The following RFX4 variants were observed in gnomAD, a reference collection of about 807,000 sequenced individuals.
The protein encoded by RFX4 is transcription factor RFX4.
Under a neutral mutation model 95.0 loss-of-function variants are expected in RFX4, and 10 were observed. The observed-to-expected ratio is 0.11, with a 90% CI of 0.06 to 0.18. The LOEUF (loss-of-function observed/expected upper bound fraction) is 0.18, where lower values mean the gene tolerates loss of function less well. Ranked by LOEUF, RFX4 falls within the 10% of genes least tolerant of loss-of-function variation. RFX4 has a pLI of 1.00. For synonymous variants in RFX4, 321 were observed against 340.7 expected, an observed-to-expected ratio of 0.94 and a Z score of 0.64; for missense variants, 640 against 922.0, an observed-to-expected ratio of 0.69 and a Z score of 3.96.
At position 106,586,864 on chromosome 12, in the gene RFX4, C is replaced by G. The variant is rs978600945; in HGVS notation, c.43+3501C>G. ...CGAGCCTCCTCCATTCTTGCCCAGG[C>G]ACAGCCCTGGGGAAGGAGCCACTGT... On this transcript the variant is annotated intron_variant, in intron 1 of 17. Transcript: ENST00000392842. The surrounding 1 kb of genome is among the most constrained non-coding windows in gnomAD (Gnocchi z 5.6). 6.6e-6 allele frequency among the ~76,000 whole-genome samples: 1 copy of G among 152,250 alleles called. No homozygotes were observed. The highest frequency in any genetic ancestry group is 2.4e-5 in the African/African-American group (1 of 41,474).
intron 1 of RFX4, among the ~76,000 whole-genome samples, chr12:106,602,018 A>C (rs2039721853): frequency 6.6e-6 from 1 of 152,102 alleles, no homozygotes; most frequent in South Asian, 2.1e-4. Context: ...TTATTATAAT[A>C]CCAAACACTC....
At chr12:106,750,559 A>G in intron 16 of RFX4, 96 bp from the exon 17 acceptor site, 1 of 1,243,786 alleles carries the variant, frequency 8.0e-7, no homozygotes, top group Non-Finnish European at 1.1e-6. Context: ...AAAAAAGAAG[A>G]AAAAGGAAAA....
intron 8 of RFX4, among the ~76,000 whole-genome samples, chr12:106,706,535 G>T (rs2042090334): frequency 1.3e-5 from 2 of 152,170 alleles, no homozygotes; most frequent in African/African-American, 4.8e-5. Context: ...GAGAGACTGT[G>T]TCCAAAATAG....
chr12:106,590,956 TAAAAA>T (rs1017433222), intron 1 of RFX4, among the ~76,000 whole-genome samples: 2 of 145,462 alleles, frequency 1.4e-5, no homozygotes, highest in African/African-American at 5.1e-5. Context: ...AAGAAAAAAA[TAAAAA>T]AGAAAGGAAG....
At chr12:106,682,349 C>T in intron 5 of RFX4, 1 of 440,658 alleles carries the variant, frequency 2.3e-6, no homozygotes, top group Non-Finnish European at 4.1e-6. Flanking sequence ...GAAAGGATTG[C>T]CTTGTGGCCT....
rs777351723 is a variant in RFX4 at position 106,750,688 on chromosome 12, C to A, written c.1830C>A (p.Gly610=). 2.6e-5 allele frequency: 42 copies of A among 1,609,214 alleles called. No individual in the cohort carries two copies. The highest frequency in any genetic ancestry group is 3.3e-5 in the Non-Finnish European group (39 of 1,178,070). ...GAAGCTATAACTATGGGAGCTATGG[C>A]AACCAGCATCCTCACCCCATGCAGA... The part of the protein sequence containing the change: ...YTGSYNYGSY[G]NQHPHPMQSQ... The change falls in exon 17 of 18, where the codon GGC becomes GGA. Residue 610 remains glycine (G), a synonymous_variant. Transcript: ENST00000392842.
At chr12:106,700,301 G>A (rs2041960071) in intron 8 of RFX4, among the ~76,000 whole-genome samples, 1 of 151,782 alleles carries the variant, frequency 6.6e-6, no homozygotes, top group African/African-American at 2.4e-5. Context: ...CAACGCGTTG[G>A]GATTACAGGT....
intron 4 of RFX4, among the ~76,000 whole-genome samples, chr12:106,669,832 T>A (rs1356718268): frequency 8.2e-6 from 1 of 121,240 alleles, no homozygotes; most frequent in East Asian, 2.5e-4. Flanking sequence ...ACCAGGTTTT[T>A]TCTAGGGGTG....
rs1592967363 is a variant in RFX4, at chr12:106,710,100, CAT to C, written c.934+671_934+672del. 2.0e-5 allele frequency among the ~76,000 whole-genome samples: 3 copies of C among 152,292 alleles called. No homozygotes were observed. In the East Asian group the frequency reaches 5.8e-4, roughly 29 times the overall value. ...ATCTGCCTGTACTTGCAGGGAGACT[CAT>C]GTACCGTTCGTTTGCTGCTATTAAA... is the stretch of plus-strand genomic sequence containing the variant. On this transcript the variant is annotated intron_variant, in intron 9 of 17. Transcript: ENST00000392842.
chr12:106,583,702 G>T (rs910241482), intron 1 of RFX4: 12 of 214,134 alleles, frequency 5.6e-5, no homozygotes, highest in Non-Finnish European at 7.4e-5. Flanking sequence ...TTTGCCAGCC[G>T]ACCGCCCCCT....
chr12:106,726,132 C>T (rs1053802656), intron 13 of RFX4, among the ~76,000 whole-genome samples: 4 of 151,838 alleles, frequency 2.6e-5, no homozygotes, highest in Non-Finnish European at 5.9e-5. Flanking sequence ...ACTGTAATCC[C>T]AGCTACTTGG....
rs573041780 is a variant in RFX4, at chr12:106,607,482, C to T, written c.44-1315C>T. Among the ~76,000 whole-genome samples the T allele has an allele frequency of 3.5e-5, 5 of 143,864 alleles. No homozygotes were observed. The East Asian group carries it at 8.1e-4, about 23-fold the overall frequency. The allele number at this position is 143,864 out of a possible 152,430, so 94.4% of individuals were successfully genotyped here. On this transcript the variant is annotated intron_variant, in intron 1 of 17. Coordinates refer to ENST00000392842, the MANE Select transcript of RFX4 (RefSeq NM_213594.3). Reference sequence around the variant, plus strand: ...TGAAGTGAGCAGGTGTGACTCATAACACAACGTGGACCGAAGTAGCTGGTA... The same window carrying T: ...TGAAGTGAGCAGGTGTGACTCATAATACAACGTGGACCGAAGTAGCTGGTA...
In RFX4 at chr12:106,715,558, C is replaced by G; in HGVS notation, c.1138+14C>G. On this transcript the variant is annotated intron_variant, in intron 11 of 17. Transcript: ENST00000392842. ...TCATCACCCAATGTAAGCTGTCCCA[C>G]CAGGGATTGTTGTCCTGTTTTTATT... The G allele has an allele frequency of 6.2e-7, 1 of 1,610,960 alleles. No homozygotes were observed. The highest frequency in any genetic ancestry group is 8.5e-7 in the Non-Finnish European group (1 of 1,178,508).
At chr12:106,629,998 A>G (rs1173920891) in intron 2 of RFX4, among the ~76,000 whole-genome samples, 3 of 152,184 alleles carry the variant, frequency 2.0e-5, no homozygotes, top group Non-Finnish European at 4.4e-5. Context: ...AAGAAATGCC[A>G]TCTTGGTGTA....
In RFX4 at chr12:106,715,441, A is replaced by G. The variant is rs1004867613; in HGVS notation, c.1035A>G (p.Gln345=). Residue 345 remains glutamine (Q), a synonymous_variant, in exon 11 of 18, where the codon CAA becomes CAG. Coordinates refer to ENST00000392842, the MANE Select transcript of RFX4 (RefSeq NM_213594.3). ...TCCACAGTGCAGACATCACGTTCCA[A>G]ATGCTGGAAGACTGGAGGAACGTGG... The part of the protein sequence containing the change: ...TVIHSADITF[Q]MLEDWRNVDL... 49 of 1,614,098 alleles carry G rather than the reference A, an allele frequency of 3.0e-5. No homozygotes were observed. The highest frequency in any genetic ancestry group is 3.3e-4 in the Middle Eastern group (2 of 6,084).
chr12:106,711,682 A>G (rs2042193578), intron 10 of RFX4, among the ~76,000 whole-genome samples, 171 bp downstream of exon 10: 1 of 152,218 alleles, frequency 6.6e-6, no homozygotes, highest in African/African-American at 2.4e-5. Flanking sequence ...ACTAGTTTCA[A>G]CTAATATACA....
intron 1 of RFX4, among the ~76,000 whole-genome samples, chr12:106,599,131 G>A (rs1389547835): frequency 1.3e-5 from 2 of 151,494 alleles, no homozygotes; most frequent in Non-Finnish European, 2.9e-5. Context: ...CTGAACAAAC[G>A]GCATTTGTGC....
At chr12:106,753,440 C>T (rs2043048409) in intron 17 of RFX4, among the ~76,000 whole-genome samples, 1 of 152,150 alleles carries the variant, frequency 6.6e-6, no homozygotes, top group South Asian at 2.1e-4. Flanking sequence ...CTCTCAGTAG[C>T]ATTTCTCACA....
At chr12:106,703,468 A>G (rs2042028350) in intron 8 of RFX4, among the ~76,000 whole-genome samples, 1 of 152,256 alleles carries the variant, frequency 6.6e-6, no homozygotes, top group South Asian at 2.1e-4. Flanking sequence ...TATATTATAT[A>G]CGTAGGAGCC....
Sources: gnomAD v4.1 joint callset for allele counts (sites outside exome capture counted in the v4.1 genomes callset) on GRCh38, gnomAD v4.1.1 for gene constraint, Gnocchi (gnomAD v3.1) non-coding constraint, MANE v1.5 for transcripts, NCBI Gene and HGNC (gene_info 2026-07-23, HGNC 2026-07-21) for gene names.